The following SEMA6D variants were observed in gnomAD, a reference collection of about 807,000 sequenced individuals.
SEMA6D encodes the protein semaphorin 6D, also known as semaphorin-6D.
In SEMA6D, 35 loss-of-function variants were observed where a neutral mutation model predicts 106.6. The observed-to-expected ratio is 0.33, with a 90% CI of 0.25 to 0.44. SEMA6D has a LOEUF of 0.44. Ranked by LOEUF, SEMA6D falls within the 20% of genes least tolerant of loss-of-function variation. The probability of loss-of-function intolerance (pLI) is 1.00; values close to 1 mark genes in which losing one functional copy is unlikely to be tolerated. For missense variants in SEMA6D, 1,185 were observed against 1,345.9 expected, an observed-to-expected ratio of 0.88 and a Z score of 1.87; for synonymous variants, 499 against 487.7, an observed-to-expected ratio of 1.02 and a Z score of -0.31.
intron 1 of SEMA6D, among the ~76,000 whole-genome samples, chr15:47,277,600 A>ATTATTATTC (rs2034881685): frequency 2.0e-4 from 1 of 4,888 alleles, no homozygotes; most frequent in Non-Finnish European, 3.3e-3. Flanking sequence ...TATTATTATT[A>ATTATTATTC]TTATTATTAT....
At chr15:47,759,576 G>A (rs2081954871) in intron 1 of SEMA6D, 169 bp from the exon 2 acceptor site, 1 of 570,082 alleles carries the variant, frequency 1.8e-6, no homozygotes, top group South Asian at 2.1e-5. Context: ...GGCCTGGCAT[G>A]TTGCCATCTT....
intron 3 of SEMA6D, among the ~76,000 whole-genome samples, chr15:47,481,321 C>T (rs1459547307): frequency 6.6e-6 from 1 of 152,084 alleles, no homozygotes; most frequent in Non-Finnish European, 1.5e-5. Context: ...CACAGCTGCC[C>T]CCATTTATAG....
chr15:47,203,708 C>T (rs890637283), intron 1 of SEMA6D, among the ~76,000 whole-genome samples: 1 of 152,158 alleles, frequency 6.6e-6, no homozygotes, highest in Admixed American at 6.6e-5. Context: ...GAGTGTCAAC[C>T]TTGACCCTTT....
At chr15:47,706,315 T>C (rs1033441462) in intron 4 of SEMA6D, among the ~76,000 whole-genome samples, 1 of 152,212 alleles carries the variant, frequency 6.6e-6, no homozygotes, top group South Asian at 2.1e-4. Context: ...AAAAAATCCT[T>C]TGTAGTTTAT....
chr15:47,604,424 TG>T (rs1191799475), intron 4 of SEMA6D, among the ~76,000 whole-genome samples: 10 of 152,082 alleles, frequency 6.6e-5, no homozygotes, highest in Admixed American at 3.9e-4. Flanking sequence ...GGGGTAGAAG[TG>T]GGTATCCTTC....
At chr15:47,316,748 A>C (rs2036698599) in intron 1 of SEMA6D, among the ~76,000 whole-genome samples, 1 of 152,074 alleles carries the variant, frequency 6.6e-6, no homozygotes. Flanking sequence ...AAATTGGACC[A>C]ACCTTGCATA....
intron 1 of SEMA6D, among the ~76,000 whole-genome samples, chr15:47,215,402 C>G (rs974085157): frequency 1.3e-5 from 2 of 151,968 alleles, no homozygotes; most frequent in African/African-American, 2.4e-5. Context: ...ACACAGGGAT[C>G]TGTTAAAACT....
intron 1 of SEMA6D, among the ~76,000 whole-genome samples, chr15:47,403,115 T>C (rs531669673): frequency 6.6e-6 from 1 of 152,314 alleles, no homozygotes; most frequent in African/African-American, 2.4e-5. Flanking sequence ...CTGAGGAAGT[T>C]TGGATTTAAT....
intron 1 of SEMA6D, among the ~76,000 whole-genome samples, chr15:47,197,765 T>A (rs1566920314): frequency 6.6e-6 from 1 of 152,170 alleles, no homozygotes; most frequent in Non-Finnish European, 1.5e-5. Context: ...CCTCTTGATA[T>A]GGAGATCTGT....
intron 1 of SEMA6D, among the ~76,000 whole-genome samples, chr15:47,748,628 G>A (rs777006931): frequency 6.6e-6 from 1 of 152,220 alleles, no homozygotes; most frequent in Non-Finnish European, 1.5e-5. Context: ...TTTCAGGAAG[G>A]ACGTTTTAGA....
At chr15:47,606,419 G>C (rs1260413309) in intron 4 of SEMA6D, 1 of 152,228 alleles carries the variant, frequency 6.6e-6, no homozygotes, top group Non-Finnish European at 1.5e-5. Flanking sequence ...CTCAACAGGA[G>C]TTCTGTGCCA....
At chr15:47,317,493 A>G (rs1345698943) in intron 1 of SEMA6D, among the ~76,000 whole-genome samples, 2 of 152,150 alleles carry the variant, frequency 1.3e-5, no homozygotes, top group Admixed American at 6.5e-5. Flanking sequence ...TTTTCAATCT[A>G]TATCATTTTG....
In SEMA6D at chr15:47,771,194, T is replaced by C; in HGVS notation, c.2631T>C (p.Asn877=). The C allele has an allele frequency of 6.2e-7, 1 of 1,614,032 alleles. No homozygotes were observed. Among genetic ancestry groups the C allele is most frequent in the Non-Finnish European group, 8.5e-7 (1 of 1,179,978 alleles). The change falls in exon 19 of 19, where the codon AAT becomes AAC. Residue 877 remains asparagine (N), a synonymous_variant. Coordinates refer to ENST00000536845, the MANE Select transcript of SEMA6D (RefSeq NM_001358351.3). ...ACCGGCGTTCTGTTGATTCCAGAAATACCCTCAATGATCTCCTGAAGCATC... is the reference window on the plus strand; with the variant it reads ...ACCGGCGTTCTGTTGATTCCAGAAACACCCTCAATGATCTCCTGAAGCATC... ...RDHRRSVDSR[N]TLNDLLKHLN... is the part of the protein sequence containing the mutation.
At chr15:47,538,755 T>A (rs928712017) in intron 3 of SEMA6D, among the ~76,000 whole-genome samples, 5 of 152,202 alleles carry the variant, frequency 3.3e-5, no homozygotes, top group Admixed American at 6.5e-5. Flanking sequence ...CTTTCCAGAA[T>A]TTTCCAACTG....
At chr15:47,208,973 A>G (rs955192080) in intron 1 of SEMA6D, among the ~76,000 whole-genome samples, 1 of 152,206 alleles carries the variant, frequency 6.6e-6, no homozygotes, top group Non-Finnish European at 1.5e-5. Flanking sequence ...GAAGGAGTCC[A>G]GTTTCAGGAT....
chr15:47,189,833 G>A (rs1893841843), intron 1 of SEMA6D, among the ~76,000 whole-genome samples: 2 of 152,184 alleles, frequency 1.3e-5, no homozygotes, highest in Admixed American at 1.3e-4. Context: ...AAAAATCAGT[G>A]TATTAGTACA....
chr15:47,761,122 G>C lies in SEMA6D; in HGVS notation c.283-36G>C, dbSNP rs772461994. The C allele has an allele frequency of 2.5e-6, 4 of 1,612,974 alleles. No homozygotes were observed. In the Admixed American group the frequency reaches 5.0e-5, roughly 20 times the overall value. On this transcript the variant is annotated intron_variant, in intron 4 of 18. Coordinates refer to ENST00000536845, the MANE Select transcript of SEMA6D (RefSeq NM_001358351.3). The stretch of plus-strand genomic sequence containing the variant: ...CACTGCCTCCCCAAAAATGTTCGCA[G>C]TTAAAAACTGCTTTGGTTTTGCTTG...
rs1215540220 is a variant in SEMA6D, at chr15:47,772,939, AAC to A, written c.*1156_*1157del. 2 of 152,320 alleles carry A rather than the reference AAC, an allele frequency of 1.3e-5. No homozygotes were observed. The highest frequency in any genetic ancestry group is 4.8e-5 in the African/African-American group (2 of 41,412). 9.4% of individuals were successfully genotyped at this position (152,320 alleles called of 1,614,324 possible). ...AAGGAATTGTAATTGGCTTAACAGAAACAGTCTGTAAAAACCTAACAGTGGTG... is the reference window on the plus strand; with the variant it reads ...AAGGAATTGTAATTGGCTTAACAGAAAGTCTGTAAAAACCTAACAGTGGTG... On this transcript the variant is annotated 3_prime_UTR_variant, in exon 19 of 19. Coordinates refer to ENST00000536845, the MANE Select transcript of SEMA6D (RefSeq NM_001358351.3).
chr15:47,429,807 T>C (rs2041464898), intron 2 of SEMA6D, among the ~76,000 whole-genome samples: 1 of 152,174 alleles, frequency 6.6e-6, no homozygotes, highest in Non-Finnish European at 1.5e-5. Context: ...TTTTGAAGTT[T>C]TCAGAGTTTT....
Sources: allele counts gnomAD v4.1 joint callset (sites outside exome capture counted in the v4.1 genomes callset), GRCh38; gene constraint gnomAD v4.1.1; transcripts MANE v1.5; gene names NCBI Gene and HGNC (gene_info 2026-07-23, HGNC 2026-07-21).